MDFIC2: variants seen among roughly 807,000 people sequenced by gnomAD.
The protein encoded by MDFIC2 is MyoD family inhibitor domain containing 2, also known as myoD family inhibitor domain-containing protein 2.
intron 2 of MDFIC2, among the ~76,000 whole-genome samples, chr3:70,288,594 G>A (rs1360622928): frequency 2.0e-5 from 3 of 149,466 alleles, no homozygotes; most frequent in African/African-American, 7.4e-5. Flanking sequence ...GCAGAGCTGA[G>A]TTCAATTCCT....
At chr3:70,265,792 G>T (rs947193758) in intron 2 of MDFIC2, among the ~76,000 whole-genome samples, 11 of 152,174 alleles carry the variant, frequency 7.2e-5, no homozygotes, top group Admixed American at 6.5e-5. Flanking sequence ...ATCATGATGG[G>T]AGGCACCTCT....
intron 2 of MDFIC2, among the ~76,000 whole-genome samples, chr3:70,267,530 G>A (rs1215684453): frequency 6.7e-6 from 1 of 148,436 alleles, no homozygotes; most frequent in African/African-American, 2.5e-5. Context: ...AGCTTCCCGA[G>A]TAGCTGGGAC....
chr3:70,294,292 C>T (rs139901085), intron 2 of MDFIC2, among the ~76,000 whole-genome samples: 504 of 152,118 alleles, frequency 3.3e-3, no homozygotes, highest in Non-Finnish European at 4.4e-3. Context: ...GCTAATGAAA[C>T]CTGTTCACCC....
At position 70,226,737 on chromosome 3, in the gene MDFIC2, TAA is replaced by T. The variant is rs369777217; in HGVS notation, c.89-19949_89-19948del. ...TGGGCAACAGAGAGAGACTCTGTCT[TAA>T]AAAAAAAAAAAAAAAAATAGTGTGC... On this transcript the variant is annotated intron_variant, in intron 2 of 3. Coordinates refer to ENST00000567252, the MANE Select transcript of MDFIC2 (RefSeq NM_001364677.1). 2.8e-3 allele frequency among the ~76,000 whole-genome samples: 337 copies of T among 121,344 alleles called. 2 individuals are homozygous for T. The highest frequency in any genetic ancestry group is 9.6e-3 in the African/African-American group (311 of 32,406). 79.6% of individuals were successfully genotyped at this position (121,344 alleles called of 152,430 possible).
At chr3:70,232,605 G>A (rs1420845572) in intron 2 of MDFIC2, among the ~76,000 whole-genome samples, 1 of 151,876 alleles carries the variant, frequency 6.6e-6, no homozygotes, top group African/African-American at 2.4e-5. Flanking sequence ...TCACTGTGTG[G>A]GCCAGGATGG....
chr3:70,291,971 A>G (rs1447638658), intron 2 of MDFIC2: 2 of 152,226 alleles, frequency 1.3e-5, no homozygotes, highest in Non-Finnish European at 2.9e-5. Flanking sequence ...AGATTCATCC[A>G]TTCATTAAGC....
chr3:70,201,798 C>T (rs1271627315), intron 3 of MDFIC2, among the ~76,000 whole-genome samples: 1 of 152,156 alleles, frequency 6.6e-6, no homozygotes, highest in Non-Finnish European at 1.5e-5. Context: ...TCTTGCCCTC[C>T]TCTGTGCTGG....
chr3:70,284,508 C>A (rs892846954), intron 2 of MDFIC2, among the ~76,000 whole-genome samples: 1 of 152,114 alleles, frequency 6.6e-6, no homozygotes, highest in Admixed American at 6.6e-5. Context: ...AAATGCCCAT[C>A]AATGATAGAC....
chr3:70,282,758 T>C lies in MDFIC2; in HGVS notation c.88+29128A>G, dbSNP rs575356768. Among the ~76,000 whole-genome samples, 7 of 152,312 alleles carry C rather than the reference T, an allele frequency of 4.6e-5. No individual in the cohort carries two copies. In the South Asian group the frequency reaches 1.2e-3, roughly 27 times the overall value. ...ACCAGACTTACCACAGACTTGTTAC[T>C]TTACTTATTGCCTCCTATTCCTGAC... On this transcript the variant is annotated intron_variant, in intron 2 of 3. Transcript: ENST00000567252.
At chr3:70,264,387 GC>G (rs1701896283) in intron 2 of MDFIC2, among the ~76,000 whole-genome samples, 1 of 152,144 alleles carries the variant, frequency 6.6e-6, no homozygotes, top group African/African-American at 2.4e-5. Flanking sequence ...TTTTTAGAGG[GC>G]AAACACAGCA....
At position 70,216,590 on chromosome 3, in the gene MDFIC2, G is replaced by C. The variant is rs543224424; in HGVS notation, c.89-9800C>G. ...CCTAACTAATAGGCTATACTATCTA[G>C]ATAGAGATTTTTTAAGTGGAATTTT... On this transcript the variant is annotated intron_variant, in intron 2 of 3. Transcript: ENST00000567252. Among the ~76,000 whole-genome samples, 3 of 152,222 alleles carry C rather than the reference G, an allele frequency of 2.0e-5. No individual in the cohort carries two copies. In the East Asian group the frequency reaches 5.8e-4, roughly 29 times the overall value.
chr3:70,239,795 C>T (rs765538391), intron 2 of MDFIC2, among the ~76,000 whole-genome samples: 37 of 152,024 alleles, frequency 2.4e-4, no homozygotes, highest in Non-Finnish European at 4.7e-4. Flanking sequence ...AATACAGTGA[C>T]GTCTCGTTCA....
chr3:70,269,592 C>A (rs974769293), intron 2 of MDFIC2, among the ~76,000 whole-genome samples: 1 of 152,130 alleles, frequency 6.6e-6, no homozygotes, highest in African/African-American at 2.4e-5. Flanking sequence ...GGTTCAGGGG[C>A]TGCCCAGTTC....
At chr3:70,262,535 C>A (rs540782965) in intron 2 of MDFIC2, among the ~76,000 whole-genome samples, 1 of 152,010 alleles carries the variant, frequency 6.6e-6, no homozygotes, top group Non-Finnish European at 1.5e-5. Flanking sequence ...TTCATGTGGG[C>A]CTTATTTACT....
chr3:70,281,269 G>C (rs188637899), intron 2 of MDFIC2, among the ~76,000 whole-genome samples: 1 of 152,206 alleles, frequency 6.6e-6, no homozygotes, highest in East Asian at 1.9e-4. Context: ...AACCTCCCCA[G>C]ATTCGTGTCA....
intron 2 of MDFIC2, among the ~76,000 whole-genome samples, chr3:70,209,298 CA>C (rs1449031665): frequency 6.6e-6 from 1 of 151,958 alleles, no homozygotes; most frequent in East Asian, 1.9e-4. Context: ...TAGCTCATGA[CA>C]ATGAAAAATG....
intron 3 of MDFIC2, among the ~76,000 whole-genome samples, chr3:70,201,417 T>G (rs997850022): frequency 1.3e-5 from 2 of 152,290 alleles, no homozygotes; most frequent in Admixed American, 1.3e-4. Context: ...ATGGTATATA[T>G]GTACCACATT....
chr3:70,306,609 C>T (rs1050032423), intron 2 of MDFIC2, among the ~76,000 whole-genome samples: 2 of 151,944 alleles, frequency 1.3e-5, no homozygotes, highest in African/African-American at 4.8e-5. Context: ...TTTTCTCTCT[C>T]ATGAATTTTC....
chr3:70,278,283 G>T (rs2106678737), intron 2 of MDFIC2, among the ~76,000 whole-genome samples: 1 of 152,242 alleles, frequency 6.6e-6, no homozygotes, highest in South Asian at 2.1e-4. Flanking sequence ...TTGCTTTGTA[G>T]TACTCCATGA....
Sources: gnomAD v4.1 joint callset for allele counts (sites outside exome capture counted in the v4.1 genomes callset) on GRCh38, gnomAD v4.1.1 for gene constraint, MANE v1.5 for transcripts, NCBI Gene and HGNC (gene_info 2026-07-23, HGNC 2026-07-21) for gene names.